SYT1: variants seen among roughly 807,000 people sequenced by gnomAD.
SYT1 encodes the protein synaptotagmin 1.
A neutral mutation model predicts 44.8 loss-of-function variants in SYT1; 8 were observed. The observed-to-expected ratio is 0.18, with a 90% CI of 0.10 to 0.32. The LOEUF is 0.32. SYT1 is among the 10% of genes least tolerant of loss of function. The pLI is 1.00. For synonymous variants in SYT1, 154 were observed against 188.8 expected, an observed-to-expected ratio of 0.82 and a Z score of 1.51; for missense variants, 286 against 509.3, an observed-to-expected ratio of 0.56 and a Z score of 4.22.
At chr12:79,290,028 T>C (rs958698924) in intron 5 of SYT1, among the ~76,000 whole-genome samples, 1 of 152,164 alleles carries the variant, frequency 6.6e-6, no homozygotes, top group Admixed American at 6.6e-5. Flanking sequence ...TAAGTCAACA[T>C]TTTAACATTC....
chr12:79,179,425 T>TATATATATCCATATAG lies in SYT1; in HGVS notation c.-17-38073_-17-38072insTATCCATATAGATATA, dbSNP rs1224449196. Among the ~76,000 whole-genome samples, 14 of 43,876 alleles carry TATATATATCCATATAG rather than the reference T, an allele frequency of 3.2e-4. 1 individual carries two copies. Among genetic ancestry groups the TATATATATCCATATAG allele is most frequent in the African/African-American group, 1.8e-3 (14 of 7,584 alleles). 28.8% of individuals were successfully genotyped at this position (43,876 alleles called of 152,430 possible). On this transcript the variant is annotated intron_variant, in intron 3 of 10. Coordinates refer to ENST00000261205, the MANE Select transcript of SYT1 (RefSeq NM_005639.3). ...ATATAGATATAGATATAGATATATCTATATAGATATATCCATATAGATATA... is the reference window on the plus strand; with the variant it reads ...ATATAGATATAGATATAGATATATCTATATATATCCATATAGATATAGATATATCCATATAGATATA...
intron 1 of SYT1, among the ~76,000 whole-genome samples, chr12:78,875,644 G>A (rs1874028063): frequency 6.6e-6 from 1 of 151,570 alleles, no homozygotes; most frequent in African/African-American, 2.4e-5. Flanking sequence ...TTATTAAGAA[G>A]TTTTCAAAAC....
intron 4 of SYT1, among the ~76,000 whole-genome samples, chr12:79,252,477 T>C (rs1279521912): frequency 6.6e-6 from 1 of 152,168 alleles, no homozygotes; most frequent in Non-Finnish European, 1.5e-5. Context: ...CTTTTTTTAC[T>C]CTCTTGTGGG....
intron 3 of SYT1, among the ~76,000 whole-genome samples, chr12:79,095,831 A>T (rs1878091223): frequency 6.6e-6 from 1 of 151,964 alleles, no homozygotes; most frequent in South Asian, 2.1e-4. Flanking sequence ...TGAAGATTCA[A>T]TAATTTGTGT....
intron 3 of SYT1, among the ~76,000 whole-genome samples, chr12:79,210,408 C>T (rs1167629393): frequency 1.3e-5 from 2 of 152,182 alleles, no homozygotes; most frequent in Non-Finnish European, 2.9e-5. Context: ...CCCTCTCCCA[C>T]TTTTCCCAAG....
intron 1 of SYT1, among the ~76,000 whole-genome samples, chr12:78,931,179 A>AAGAAAGAAAGAAAG (rs1555181905): frequency 1.7e-5 from 1 of 59,844 alleles, no homozygotes; most frequent in Non-Finnish European, 3.0e-5. Context: ...GAAAGAAAGA[A>AAGAAAGAAAGAAAG]AAAGAAAGAA....
At chr12:79,041,681 C>G (rs368576658) in intron 2 of SYT1, among the ~76,000 whole-genome samples, 9 of 151,704 alleles carry the variant, frequency 5.9e-5, no homozygotes, top group East Asian at 2.0e-4. Context: ...AGTGGTGAGA[C>G]AGGGCATCCC....
rs367776311 is a variant in SYT1 at position 79,092,277 on chromosome 12, A to G, written c.-18+44915A>G. On this transcript the variant is annotated intron_variant, in intron 3 of 10. Coordinates refer to ENST00000261205, the MANE Select transcript of SYT1 (RefSeq NM_005639.3). The stretch of plus-strand genomic sequence containing the variant: ...CAATCTGGTCATATCTCAGAATAGG[A>G]CATGTCAGGCAAAGCCTTGGTAATA... 6.5e-3 allele frequency among the ~76,000 whole-genome samples: 986 copies of G among 151,976 alleles called. 9 individuals carry two copies. Among genetic ancestry groups the G allele is most frequent in the South Asian group, 0.027 (129 of 4,824 alleles).
At chr12:78,970,552 C>T (rs1484720889) in intron 1 of SYT1, among the ~76,000 whole-genome samples, 1 of 152,140 alleles carries the variant, frequency 6.6e-6, no homozygotes, top group East Asian at 1.9e-4. Context: ...AGAGCAAGGT[C>T]TTGAAGCGTG....
At chr12:79,345,460 G>C (rs1006201893) in intron 8 of SYT1, among the ~76,000 whole-genome samples, 1 of 152,166 alleles carries the variant, frequency 6.6e-6, no homozygotes, top group Non-Finnish European at 1.5e-5. Context: ...GTCTGTGGTG[G>C]AACTCAGTAA....
chr12:79,350,445 G>A (rs1882848313), intron 8 of SYT1, among the ~76,000 whole-genome samples: 3 of 151,860 alleles, frequency 2.0e-5, no homozygotes, highest in East Asian at 1.9e-4. Flanking sequence ...GTAGAGACGG[G>A]GTTTTACCGT....
At chr12:78,955,968 G>A (rs181828264) in intron 1 of SYT1, among the ~76,000 whole-genome samples, 1 of 152,104 alleles carries the variant, frequency 6.6e-6, no homozygotes, top group African/African-American at 2.4e-5. Flanking sequence ...GAAAATAAAT[G>A]AGTTGATCTG....
intron 5 of SYT1, among the ~76,000 whole-genome samples, chr12:79,291,497 G>A (rs1879579586): frequency 1.3e-5 from 2 of 152,084 alleles, no homozygotes; most frequent in Non-Finnish European, 2.9e-5. Flanking sequence ...GTGAAACACA[G>A]GGAATTTAAA....
At chr12:78,945,389 A>G (rs1485803887) in intron 1 of SYT1, among the ~76,000 whole-genome samples, 2 of 151,772 alleles carry the variant, frequency 1.3e-5, no homozygotes, top group South Asian at 4.1e-4. Context: ...AATATTACAC[A>G]TATGATATGC....
At chr12:78,983,849 A>T (rs1997191) in intron 2 of SYT1, among the ~76,000 whole-genome samples, 13,427 of 152,054 alleles carry the variant, frequency 0.088, 763 homozygotes, top group African/African-American at 0.15. Flanking sequence ...AGTTTCTATA[A>T]CTTAGGGAAC....
intron 3 of SYT1, among the ~76,000 whole-genome samples, chr12:79,095,031 T>C (rs556034378): frequency 6.6e-6 from 1 of 151,866 alleles, no homozygotes; most frequent in Non-Finnish European, 1.5e-5. Context: ...AACCTTTTGG[T>C]AGGCCACCCA....
intron 1 of SYT1, among the ~76,000 whole-genome samples, chr12:78,943,871 C>T (rs373683177): frequency 1.3e-5 from 2 of 152,212 alleles, no homozygotes; most frequent in East Asian, 3.8e-4. Flanking sequence ...CATTGTTACT[C>T]ACCATTGACA....
Position 79,138,535 on chromosome 12 carries a change from C to G in SYT1, c.-17-78968C>G, listed in dbSNP as rs367897921. ...CTTCTATTCACCTCCTGCCTTTGAC[C>G]CGTCAGCTCTGCAACTTTGGGTAAA... On this transcript the variant is annotated intron_variant, in intron 3 of 10. Coordinates refer to ENST00000261205, the MANE Select transcript of SYT1 (RefSeq NM_005639.3). Among the ~76,000 whole-genome samples, 17 of 152,318 alleles carry G rather than the reference C, an allele frequency of 1.1e-4. 1 individual carries two copies. The highest frequency in any genetic ancestry group is 4.1e-4 in the African/African-American group (17 of 41,570).
At chr12:79,058,048 T>G (rs1457920601) in intron 3 of SYT1, among the ~76,000 whole-genome samples, 2 of 152,102 alleles carry the variant, frequency 1.3e-5, no homozygotes, top group East Asian at 3.9e-4. Flanking sequence ...GATATATCCA[T>G]TGTTCCCATT....
Sources: gnomAD v4.1 joint callset for allele counts (sites outside exome capture counted in the v4.1 genomes callset) on GRCh38, gnomAD v4.1.1 for gene constraint, MANE v1.5 for transcripts, NCBI Gene and HGNC (gene_info 2026-07-23, HGNC 2026-07-21) for gene names.